The following R3HDM2 variants were observed in gnomAD, a reference collection of about 807,000 sequenced individuals.
R3HDM2 encodes R3H domain-containing protein 2.
R3HDM2 carries 38 observed loss-of-function variants against 124.5 expected under a neutral mutation model. The ratio of observed to expected loss-of-function variants is 0.31; its 90% confidence interval spans 0.24 to 0.40. R3HDM2 has a LOEUF of 0.40. Among genes scored for constraint, R3HDM2 ranks in the 10% least tolerant of loss-of-function variants. R3HDM2 has a pLI of 1.00. For synonymous variants in R3HDM2, 391 were observed against 448.0 expected, an observed-to-expected ratio of 0.87 and a Z score of 1.61; for missense variants, 869 against 1,236.9, an observed-to-expected ratio of 0.70 and a Z score of 4.46.
At chr12:57,430,489 G>GCCCCCCCAC in intron 1 of R3HDM2, 1 of 790,578 alleles carries the variant, frequency 1.3e-6, no homozygotes, top group Non-Finnish European at 1.5e-6. Flanking sequence ...CCACCCCCCT[G>GCCCCCCCAC]CCCCCGCACC....
intron 19 of R3HDM2, among the ~76,000 whole-genome samples, 170 bp downstream of exon 19, chr12:57,266,561 A>C (rs2042472182): frequency 6.6e-6 from 1 of 152,234 alleles, no homozygotes; most frequent in Non-Finnish European, 1.5e-5. Flanking sequence ...GGTCAGCTTC[A>C]GTACCCTTGG....
intron 2 of R3HDM2, among the ~76,000 whole-genome samples, chr12:57,374,456 A>AGGC: frequency 6.9e-6 from 1 of 145,978 alleles, no homozygotes; most frequent in South Asian, 2.2e-4. Flanking sequence ...TTGGGAGGTC[A>AGGC]AGGCAGCCTG....
intron 15 of R3HDM2, 100 bp downstream of exon 15, chr12:57,269,652 G>C: frequency 6.5e-7 from 1 of 1,526,746 alleles, no homozygotes; most frequent in South Asian, 1.2e-5. Context: ...AAGGTAGGGA[G>C]AGGTATTCCC....
intron 1 of R3HDM2, among the ~76,000 whole-genome samples, chr12:57,422,822 T>G (rs1276868284): frequency 2.0e-5 from 3 of 151,316 alleles, no homozygotes; most frequent in Non-Finnish European, 2.9e-5. Context: ...CTCTACAAAA[T>G]TAAAAAATAA....
intron 1 of R3HDM2, among the ~76,000 whole-genome samples, chr12:57,417,915 T>G (rs1361184636): frequency 2.6e-5 from 4 of 152,182 alleles, no homozygotes; most frequent in African/African-American, 9.6e-5. Context: ...CCTAAAATTC[T>G]GGTATTTCCT....
chr12:57,271,537 A>G (rs1213078308), intron 14 of R3HDM2, among the ~76,000 whole-genome samples: 2 of 152,200 alleles, frequency 1.3e-5, no homozygotes, highest in African/African-American at 4.8e-5. Context: ...CTGATCTTCA[A>G]GTTAGCTGTT....
chr12:57,290,961 G>T (rs1029150766), intron 11 of R3HDM2, among the ~76,000 whole-genome samples: 1 of 151,874 alleles, frequency 6.6e-6, no homozygotes, highest in Admixed American at 6.6e-5. Flanking sequence ...AACTTAGGGG[G>T]TTATCACTGG....
chr12:57,408,556 C>T (rs2068733066), intron 1 of R3HDM2, among the ~76,000 whole-genome samples: 1 of 152,066 alleles, frequency 6.6e-6, no homozygotes, highest in South Asian at 2.1e-4. Context: ...CATGGTTAAA[C>T]CCTGTCTCTA....
At chr12:57,375,760 A>C (rs191348236) in intron 2 of R3HDM2, among the ~76,000 whole-genome samples, 10 of 148,680 alleles carry the variant, frequency 6.7e-5, no homozygotes, top group Non-Finnish European at 1.5e-4. Context: ...ACAACCTCTG[A>C]CTCCCTGGTT....
chr12:57,379,536 C>T (rs1163159211), intron 2 of R3HDM2, among the ~76,000 whole-genome samples: 5 of 151,698 alleles, frequency 3.3e-5, no homozygotes, highest in Non-Finnish European at 7.4e-5. Context: ...GCTGAGATTG[C>T]ACCATTGCAC....
chr12:57,404,280 T>A (rs1439209759), intron 1 of R3HDM2, among the ~76,000 whole-genome samples: 3 of 150,658 alleles, frequency 2.0e-5, no homozygotes, highest in Non-Finnish European at 3.0e-5. Flanking sequence ...GTCAGGCTGG[T>A]CTCGAACTCC....
At chr12:57,283,298 CT>C (rs79938826) in intron 13 of R3HDM2, among the ~76,000 whole-genome samples, 69 of 147,476 alleles carry the variant, frequency 4.7e-4, no homozygotes, top group Middle Eastern at 3.5e-3. Context: ...ACAATCAATT[CT>C]TTTTTTTTTT....
At chr12:57,354,202 T>C (rs565643681) in intron 2 of R3HDM2, among the ~76,000 whole-genome samples, 10 of 152,040 alleles carry the variant, frequency 6.6e-5, no homozygotes, top group African/African-American at 2.4e-4. Context: ...TCAAAGTGGT[T>C]GTACCATCTT....
intron 1 of R3HDM2, among the ~76,000 whole-genome samples, chr12:57,427,992 C>T (rs978577281): frequency 1.1e-4 from 17 of 151,896 alleles, no homozygotes; most frequent in Non-Finnish European, 2.1e-4. Flanking sequence ...TGGTGGCAGG[C>T]ACCTGTAATC....
At chr12:57,297,610 TC>T (rs1434082118) in intron 7 of R3HDM2, among the ~76,000 whole-genome samples, 1 of 152,204 alleles carries the variant, frequency 6.6e-6, no homozygotes, top group African/African-American at 2.4e-5. Context: ...GGTCCTCCAA[TC>T]ATATACTTTG....
Position 57,259,371 on chromosome 12 carries a change from C to A in R3HDM2, c.2132-312G>T, listed in dbSNP as rs115660156. On this transcript the variant is annotated intron_variant, in intron 19 of 23. Transcript: ENST00000402412. ...GTCAACGCTGGCTATAACCAAATGC[C>A]CAGGTCAGATTGCTCAAATGTCTAG... Among the ~76,000 whole-genome samples the A allele has an allele frequency of 4.2e-3, 647 of 152,326 alleles. 3 individuals carry two copies. The highest frequency in any genetic ancestry group is 0.015 in the African/African-American group (616 of 41,564).
At chr12:57,297,936 C>A (rs1463503500) in intron 7 of R3HDM2, 154 bp downstream of exon 7, 2 of 647,728 alleles carry the variant, frequency 3.1e-6, no homozygotes, top group Non-Finnish European at 5.6e-6. Context: ...TTGAATCCCT[C>A]ACAGAATATA....
At chr12:57,331,832 T>C (rs2058236941) in intron 2 of R3HDM2, among the ~76,000 whole-genome samples, 1 of 151,370 alleles carries the variant, frequency 6.6e-6, no homozygotes, top group East Asian at 1.9e-4. Flanking sequence ...GAGAATGACA[T>C]GAACCCGGGA....
intron 2 of R3HDM2, among the ~76,000 whole-genome samples, chr12:57,344,152 T>A (rs2059873187): frequency 1.3e-5 from 2 of 152,200 alleles, no homozygotes; most frequent in Admixed American, 1.3e-4. Context: ...AACAATTCAG[T>A]ACGTATCTCC....
Sources: allele counts gnomAD v4.1 joint callset (sites outside exome capture counted in the v4.1 genomes callset), GRCh38; gene constraint gnomAD v4.1.1; transcripts MANE v1.5; gene names NCBI Gene and HGNC (gene_info 2026-07-23, HGNC 2026-07-21).